Variants in GCKR observed in about 807,000 individuals in gnomAD.
GCKR encodes the protein glucokinase regulator, also known as glucokinase regulatory protein.
GCKR carries 73 observed loss-of-function variants against 82.9 expected under a neutral mutation model. That is an observed-to-expected ratio of 0.88 (90% CI 0.73 to 1.07). The LOEUF (loss-of-function observed/expected upper bound fraction) is 1.07, where lower values mean the gene tolerates loss of function less well. GCKR is among the 50% of genes least tolerant of loss of function. The probability of loss-of-function intolerance (pLI) is 0.00; values close to 1 mark genes in which losing one functional copy is unlikely to be tolerated. For synonymous variants in GCKR, 294 were observed against 291.8 expected (o/e 1.01, Z -0.08); for missense variants, 784 against 782.1 (o/e 1.00, Z -0.03).
chr2:27,523,459 T>A lies in GCKR; in HGVS notation c.*20T>A. On this transcript the variant is annotated 3_prime_UTR_variant, in exon 19 of 19. Coordinates refer to ENST00000264717, the MANE Select transcript of GCKR (RefSeq NM_001486.4). The stretch of plus-strand genomic sequence containing the variant: ...CAGTGAACCCATGTTTCTGGGTGGG[T>A]GAAAGGGGCCCAACCCTGCCCACTT... 1 of 1,600,804 alleles carries A rather than the reference T, an allele frequency of 6.2e-7. No homozygotes were observed. Among genetic ancestry groups the A allele is most frequent in the South Asian group, 1.1e-5 (1 of 91,034 alleles).
rs1342485396 is a variant in GCKR, at chr2:27,507,946, T to G, written c.1241-31T>G. On this transcript the variant is annotated intron_variant, in intron 14 of 18. Coordinates refer to ENST00000264717, the MANE Select transcript of GCKR (RefSeq NM_001486.4). ...AGGAGGAACAGCTGCACAGCCAGCC[T>G]TTCGACTCTGATGCCCTCCCCTTCT... 3 of 1,497,284 alleles carry G rather than the reference T, an allele frequency of 2.0e-6. No individual in the cohort carries two copies. In the East Asian group the frequency reaches 6.8e-5, roughly 34 times the overall value. 92.7% of individuals were successfully genotyped at this position (1,497,284 alleles called of 1,614,324 possible).
chr2:27,518,069 A>G (rs2148591985), intron 16 of GCKR, among the ~76,000 whole-genome samples: 1 of 152,082 alleles, frequency 6.6e-6, no homozygotes, highest in African/African-American at 2.4e-5. Context: ...CCCCTGAGAC[A>G]TAGTCTCACT....
Position 27,510,012 on chromosome 2 carries a change from AT to A in GCKR, c.1422+1775del, listed in dbSNP as rs202008817. Among the ~76,000 whole-genome samples, 1,249 of 141,946 alleles carry A rather than the reference AT, an allele frequency of 8.8e-3. 15 individuals are homozygous for A. Among genetic ancestry groups the A allele is most frequent in the East Asian group, 0.028 (136 of 4,936 alleles). 93.1% of individuals were successfully genotyped at this position (141,946 alleles called of 152,430 possible). ...TCTCATCTGATAGATCACTACTATCATTTTTTTTTTTTTTAAGATGGAGTCT... is the reference window on the plus strand; with the variant it reads ...TCTCATCTGATAGATCACTACTATCATTTTTTTTTTTTTAAGATGGAGTCT... On this transcript the variant is annotated intron_variant, in intron 16 of 18. Coordinates refer to ENST00000264717, the MANE Select transcript of GCKR (RefSeq NM_001486.4).
At chr2:27,508,310 A>C (rs984002957) in intron 16 of GCKR, 59 bp downstream of exon 16, 1 of 1,154,378 alleles carries the variant, frequency 8.7e-7, no homozygotes, top group African/African-American at 1.5e-5. Context: ...AGGGATTCCA[A>C]GAATCAAAAA....
chr2:27,508,009 C>G lies in GCKR; in HGVS notation c.1273C>G (p.Gln425Glu). The change falls in exon 15 of 19, where the codon CAG (glutamine) becomes GAG (glutamate). Residue 425 changes from glutamine to glutamate, a missense_variant. Transcript: ENST00000264717. The part of the protein sequence containing the change: ...NLTEVQTIVE[Q>E]VKEKTNHIQA... ...CACGGAGGTGCAGACTATAGTGGAG[C>G]AGGTGAAAGAGAAGACCAACCACAT... is the stretch of plus-strand genomic sequence containing the variant. The G allele has an allele frequency of 6.2e-7, 1 of 1,613,560 alleles. No homozygotes were observed. The highest frequency in any genetic ancestry group is 8.5e-7 in the Non-Finnish European group (1 of 1,179,546).
intron 16 of GCKR, among the ~76,000 whole-genome samples, chr2:27,513,788 T>G (rs1043317775): frequency 6.6e-6 from 1 of 152,184 alleles, no homozygotes; most frequent in Non-Finnish European, 1.5e-5. Context: ...AAAATAATAA[T>G]AACCTTCTTA....
chr2:27,507,165 C>G (rs1669768862), intron 12 of GCKR, 70 bp from the exon 13 acceptor site: 6 of 1,082,712 alleles, frequency 5.5e-6, no homozygotes, highest in Non-Finnish European at 8.6e-6. Flanking sequence ...CATTTTCTCC[C>G]CCTGAAGCCT....
intron 16 of GCKR, among the ~76,000 whole-genome samples, chr2:27,515,392 C>T (rs1214656474): frequency 6.6e-6 from 1 of 152,110 alleles, no homozygotes; most frequent in African/African-American, 2.4e-5. Context: ...CATCCCACCT[C>T]AGCCTCCCGA....
At chr2:27,510,375 C>T (rs1019351928) in intron 16 of GCKR, among the ~76,000 whole-genome samples, 19 of 152,060 alleles carry the variant, frequency 1.2e-4, no homozygotes, top group African/African-American at 4.6e-4. Flanking sequence ...TGTTTAACTC[C>T]GATTATCAGA....
chr2:27,519,458 T>C (rs1670094362), intron 17 of GCKR, among the ~76,000 whole-genome samples: 1 of 152,020 alleles, frequency 6.6e-6, no homozygotes, highest in Non-Finnish European at 1.5e-5. Flanking sequence ...CCCCCCACCA[T>C]GCCCAGCTAA....
intron 8 of GCKR, among the ~76,000 whole-genome samples, chr2:27,502,142 C>A (rs1432259090): frequency 6.6e-6 from 1 of 151,980 alleles, no homozygotes; most frequent in African/African-American, 2.4e-5. Context: ...GGAAGGGGGA[C>A]AAGTGGGTTT....
rs1265757671 is a variant in GCKR at position 27,510,773 on chromosome 2, TG to T, written c.1422+2523del. 7.2e-5 allele frequency among the ~76,000 whole-genome samples: 11 copies of T among 152,244 alleles called. No individual in the cohort carries two copies. The East Asian group carries it at 2.1e-3, about 29-fold the overall frequency. ...TTTGATACTTTTTTTTTGTCTTTCA[TG>T]TACTGCTTCTTGTCTTTTGGGTCTA... is the stretch of plus-strand genomic sequence containing the variant. On this transcript the variant is annotated intron_variant, in intron 16 of 18. Coordinates refer to ENST00000264717, the MANE Select transcript of GCKR (RefSeq NM_001486.4).
intron 10 of GCKR, 148 bp from the exon 11 acceptor site, chr2:27,506,333 C>T (rs1170446515): frequency 1.4e-6 from 1 of 714,824 alleles, no homozygotes; most frequent in Non-Finnish European, 2.6e-6. Context: ...CTTCGGAACG[C>T]AGTCTGGGCC....
chr2:27,510,636 TA>T (rs1382406459), intron 16 of GCKR, among the ~76,000 whole-genome samples: 1 of 152,196 alleles, frequency 6.6e-6, no homozygotes, highest in Non-Finnish European at 1.5e-5. Flanking sequence ...AGCATCCTTA[TA>T]AAAAAATCTT....
chr2:27,522,474 G>A lies in GCKR; in HGVS notation c.1587G>A (p.Gln529=). 1 of 1,613,918 alleles carries A rather than the reference G, an allele frequency of 6.2e-7. No homozygotes were observed. The highest frequency in any genetic ancestry group is 8.5e-7 in the Non-Finnish European group (1 of 1,179,858). ...ALAMLQRFSG[Q]SKARCIESLL... ...TTCTTCCTTAGCGGTTCTCTGGACA[G>A]TCCAAGGCTCGATGCATCGAGAGCC... is the stretch of plus-strand genomic sequence containing the variant. The change falls in exon 18 of 19, where the codon CAG becomes CAA. Residue 529 remains glutamine (Q), a synonymous_variant. Transcript: ENST00000264717.
intron 16 of GCKR, among the ~76,000 whole-genome samples, chr2:27,516,065 C>A (rs1669997738): frequency 6.6e-6 from 1 of 151,372 alleles, no homozygotes; most frequent in South Asian, 2.1e-4. Flanking sequence ...GGGTGAGCCA[C>A]CGTGCCTGGC....
chr2:27,515,745 GTATATA>G (rs528066615), intron 16 of GCKR, among the ~76,000 whole-genome samples: 2 of 129,464 alleles, frequency 1.5e-5, no homozygotes, highest in Non-Finnish European at 3.2e-5. Context: ...CCAATTGTTC[GTATATA>G]TATATATATA....
At chr2:27,497,080 C>A in intron 1 of GCKR, 116 bp downstream of exon 1, 2 of 1,206,434 alleles carry the variant, frequency 1.7e-6, no homozygotes, top group South Asian at 2.4e-5. Context: ...TGTTCTTTCC[C>A]TAATATGCCC....
rs34316866 is a variant in GCKR, at chr2:27,522,492, C to G, written c.1605C>G (p.Ile535Met). 2.5e-6 allele frequency: 4 copies of G among 1,613,258 alleles called. No individual in the cohort carries two copies. In the African/African-American group the frequency reaches 5.3e-5, roughly 22 times the overall value. ...CTGGACAGTCCAAGGCTCGATGCATCGAGAGCCTCCTCCGAGCGATCCACT... is the reference window on the plus strand; with the variant it reads ...CTGGACAGTCCAAGGCTCGATGCATGGAGAGCCTCCTCCGAGCGATCCACT... Reference protein sequence around the residue: ...RFSGQSKARCIESLLRAIHFP... With the variant: ...RFSGQSKARCMESLLRAIHFP... The change falls in exon 18 of 19, where the codon ATC (isoleucine) becomes ATG (methionine). Residue 535 changes from isoleucine to methionine, a missense_variant. Coordinates refer to ENST00000264717, the MANE Select transcript of GCKR (RefSeq NM_001486.4).
Sources: gnomAD v4.1 joint callset for allele counts (sites outside exome capture counted in the v4.1 genomes callset) on GRCh38, gnomAD v4.1.1 for gene constraint, MANE v1.5 for transcripts, NCBI Gene and HGNC (gene_info 2026-07-23, HGNC 2026-07-21) for gene names.